Variants in THSD7B observed in about 807,000 individuals in gnomAD.
THSD7B encodes thrombospondin type 1 domain containing 7B.
In THSD7B, 138 loss-of-function variants were observed where a neutral mutation model predicts 213.6. The observed-to-expected ratio is 0.65, with a 90% CI of 0.56 to 0.74. The LOEUF (loss-of-function observed/expected upper bound fraction) is 0.74, where lower values mean the gene tolerates loss of function less well. THSD7B is among the 30% of genes least tolerant of loss of function. The pLI, the probability that THSD7B is intolerant of heterozygous loss-of-function variation, is 0.00. For missense variants in THSD7B, 1,931 were observed against 1,991.5 expected (o/e 0.97, Z 0.58); for synonymous variants, 742 against 687.0 (o/e 1.08, Z -1.25).
chr2:137,055,355 GA>G (rs1687144522), intron 2 of THSD7B, among the ~76,000 whole-genome samples: 1 of 152,122 alleles, frequency 6.6e-6, no homozygotes, highest in Non-Finnish European at 1.5e-5. Flanking sequence ...GATCCTTGAG[GA>G]ATCACCACAC....
At chr2:137,196,566 G>T (rs10210103) in intron 7 of THSD7B, among the ~76,000 whole-genome samples, 140,398 of 152,006 alleles carry the variant, frequency 0.92, 65,102 homozygotes, top group Middle Eastern at 0.98. Flanking sequence ...ATTGCTTATC[G>T]GTAACATAAA....
Position 137,144,084 on chromosome 2 carries a change from G to A in THSD7B, c.1370-16129G>A, listed in dbSNP as rs149604499. Among the ~76,000 whole-genome samples the A allele has an allele frequency of 3.0e-4, 46 of 152,100 alleles. No individual in the cohort carries two copies. The East Asian group carries it at 6.0e-3, about 20-fold the overall frequency. ...GGGTAGGGCAACAGACAGCATAAAC[G>A]GAGTCATCATTTGAATTAAAATGTC... On this transcript the variant is annotated intron_variant, in intron 5 of 27. Transcript: ENST00000409968.
chr2:137,047,741 G>A (rs1269031555), intron 2 of THSD7B, among the ~76,000 whole-genome samples: 1 of 152,162 alleles, frequency 6.6e-6, no homozygotes, highest in Non-Finnish European at 1.5e-5. Context: ...TCTGTCTCAA[G>A]ATTAGCCTCT....
At chr2:137,409,594 A>G (rs1361365200) in intron 13 of THSD7B, among the ~76,000 whole-genome samples, 1 of 152,232 alleles carries the variant, frequency 6.6e-6, no homozygotes, top group Non-Finnish European at 1.5e-5. Flanking sequence ...AGAAATATGT[A>G]TGATAATTAA....
chr2:137,077,578 G>A (rs1447514379), intron 3 of THSD7B, among the ~76,000 whole-genome samples: 28 of 152,162 alleles, frequency 1.8e-4, no homozygotes, highest in Non-Finnish European at 2.9e-4. Context: ...GATGGCCAGT[G>A]ATGATGAGCA....
intron 12 of THSD7B, among the ~76,000 whole-genome samples, chr2:137,288,493 C>T (rs577061636): frequency 1.4e-3 from 220 of 151,826 alleles, no homozygotes; most frequent in Non-Finnish European, 2.6e-3. Context: ...TGTAATTATG[C>T]CAGGAAGGGT....
intron 12 of THSD7B, among the ~76,000 whole-genome samples, chr2:137,384,438 C>G (rs1685846601): frequency 6.6e-6 from 1 of 152,282 alleles, no homozygotes; most frequent in East Asian, 1.9e-4. Flanking sequence ...AGGGAAGTCT[C>G]TGTTAGACAG....
At chr2:137,203,582 C>G (rs544197913) in intron 7 of THSD7B, among the ~76,000 whole-genome samples, 1 of 151,852 alleles carries the variant, frequency 6.6e-6, no homozygotes, top group East Asian at 1.9e-4. Flanking sequence ...GAAAAAAAAC[C>G]TTTTTTTATT....
intron 12 of THSD7B, among the ~76,000 whole-genome samples, chr2:137,343,572 G>T (rs1684808573): frequency 1.3e-5 from 2 of 151,644 alleles, no homozygotes; most frequent in Admixed American, 6.6e-5. Flanking sequence ...CTCTTGCTGT[G>T]CATGACCGTT....
At chr2:136,839,572 G>T (rs1346192034) in intron 1 of THSD7B, among the ~76,000 whole-genome samples, 1 of 152,086 alleles carries the variant, frequency 6.6e-6, no homozygotes, top group African/African-American at 2.4e-5. Context: ...GTCTGGCATT[G>T]ACCTTCTTCC....
chr2:137,153,967 G>A (rs1171009775), intron 5 of THSD7B, among the ~76,000 whole-genome samples: 1 of 152,080 alleles, frequency 6.6e-6, no homozygotes, highest in Non-Finnish European at 1.5e-5. Flanking sequence ...CTTTGAGTGA[G>A]CATTTCCTTT....
chr2:136,766,898 A>T (rs1681406859), intron 1 of THSD7B, among the ~76,000 whole-genome samples: 1 of 152,048 alleles, frequency 6.6e-6, no homozygotes. Context: ...TCAGCGGTAC[A>T]CCTGTGAGTG....
chr2:136,871,203 A>G (rs1246634181), intron 1 of THSD7B, among the ~76,000 whole-genome samples: 2 of 152,172 alleles, frequency 1.3e-5, no homozygotes, highest in African/African-American at 4.8e-5. Context: ...TGCCCATCCA[A>G]ATGCAGATGT....
In THSD7B at chr2:137,533,504, T is replaced by A. The variant is rs371744829; in HGVS notation, c.3139-29717T>A. On this transcript the variant is annotated intron_variant, in intron 15 of 27. Coordinates refer to ENST00000409968, the MANE Select transcript of THSD7B (RefSeq NM_001316349.2). ...GACATTTAGCAAGAAGGTAGCAAAA[T>A]AGTTGGAGTATTTGTTGTTATTATT... 3.9e-5 allele frequency among the ~76,000 whole-genome samples: 6 copies of A among 152,016 alleles called. No homozygotes were observed. The East Asian group carries it at 5.8e-4, about 15-fold the overall frequency.
At chr2:137,658,194 GT>G (rs2104818901) in intron 24 of THSD7B, among the ~76,000 whole-genome samples, 1 of 152,192 alleles carries the variant, frequency 6.6e-6, no homozygotes, top group South Asian at 2.1e-4. Flanking sequence ...TTAATTTAAA[GT>G]TTATCCACAA....
At chr2:137,340,498 T>A (rs1684738728) in intron 12 of THSD7B, among the ~76,000 whole-genome samples, 1 of 151,894 alleles carries the variant, frequency 6.6e-6, no homozygotes, top group South Asian at 2.1e-4. Flanking sequence ...TTAACTATAT[T>A]CACCATGCTG....
chr2:137,013,244 GA>G (rs1319015009), intron 2 of THSD7B, among the ~76,000 whole-genome samples: 1 of 152,154 alleles, frequency 6.6e-6, no homozygotes, highest in Non-Finnish European at 1.5e-5. Context: ...CAAAATATAT[GA>G]AACAATAGGT....
At chr2:137,296,670 A>G (rs745959287) in intron 12 of THSD7B, among the ~76,000 whole-genome samples, 1 of 152,158 alleles carries the variant, frequency 6.6e-6, no homozygotes, top group African/African-American at 2.4e-5. Context: ...TACTCCACAC[A>G]TGTAGTTTGA....
chr2:137,082,827 A>G (rs1257858760), intron 3 of THSD7B, among the ~76,000 whole-genome samples: 1 of 152,088 alleles, frequency 6.6e-6, no homozygotes, highest in Non-Finnish European at 1.5e-5. Flanking sequence ...GTGGTACTGC[A>G]TTTTAAATCT....
Sources: gnomAD v4.1 joint callset for allele counts (sites outside exome capture counted in the v4.1 genomes callset) on GRCh38, gnomAD v4.1.1 for gene constraint, MANE v1.5 for transcripts, NCBI Gene and HGNC (gene_info 2026-07-23, HGNC 2026-07-21) for gene names.